The following MYO9A variants were observed in gnomAD, a reference collection of about 807,000 sequenced individuals.
MYO9A encodes unconventional myosin-IXa.
A neutral mutation model predicts 293.3 loss-of-function variants in MYO9A; 103 were observed. The ratio of observed to expected loss-of-function variants is 0.35; its 90% CI spans 0.30 to 0.41. The LOEUF is 0.41. Among genes scored for constraint, MYO9A ranks in the 10% least tolerant of loss-of-function variants. The pLI is 1.00. For synonymous variants in MYO9A, 1,001 were observed against 1,035.7 expected, an observed-to-expected ratio of 0.97 and a Z score of 0.64; for missense variants, 2,685 against 3,033.0, an observed-to-expected ratio of 0.89 and a Z score of 2.69.
In MYO9A at chr15:71,899,887, C is replaced by T. The variant is rs757243676; in HGVS notation, c.3270G>A (p.Glu1090=). The T allele has an allele frequency of 5.6e-6, 9 of 1,614,008 alleles. No individual in the cohort carries two copies. Among genetic ancestry groups the T allele is most frequent in the Non-Finnish European group, 6.8e-6 (8 of 1,180,040 alleles). The change falls in exon 24 of 42, where the codon GAG becomes GAA. Residue 1090 remains glutamate, a synonymous_variant. Transcript: ENST00000356056. ...CCCGTAACTCCAAGTACCGCTGCCT[C>T]TCTAAGTGAGCACGCCAGGAAGCTT... is the stretch of plus-strand genomic sequence containing the variant. ...LLQASWRAHL[E]RQRYLELRAA...
intron 18 of MYO9A, among the ~76,000 whole-genome samples, chr15:71,922,772 C>A (rs1211944137): frequency 6.6e-6 from 1 of 152,090 alleles, no homozygotes. Flanking sequence ...TCCTGGGGAG[C>A]AAATATGTAC....
intron 15 of MYO9A, among the ~76,000 whole-genome samples, chr15:71,949,421 GTT>G (rs1164123045): frequency 3.7e-5 from 5 of 133,422 alleles, no homozygotes; most frequent in Admixed American, 1.5e-4. Flanking sequence ...GTGTTTTTTT[GTT>G]TTTTTTTTTT....
intron 1 of MYO9A, among the ~76,000 whole-genome samples, chr15:72,060,466 G>A (rs1377089896): frequency 6.6e-6 from 1 of 152,162 alleles, no homozygotes; most frequent in Non-Finnish European, 1.5e-5. Flanking sequence ...GTCTTGAACT[G>A]CCAACACCAC....
At chr15:71,897,266 A>T in intron 25 of MYO9A, 195 bp downstream of exon 25, 1 of 597,684 alleles carries the variant, frequency 1.7e-6, no homozygotes. Context: ...ATTCATGATC[A>T]GTCAAGGATT....
Position 71,826,623 on chromosome 15 carries a change from T to A in MYO9A, c.7604A>T (p.Asn2535Ile), listed in dbSNP as rs763542980. 2 of 1,609,436 alleles carry A rather than the reference T, an allele frequency of 1.2e-6. No homozygotes were observed. The highest frequency in any genetic ancestry group is 2.2e-5 in the South Asian group (2 of 90,116). ...RKTVDPDCTSNQQLALFGNNE... is the reference protein window; with the variant it reads ...RKTVDPDCTSIQQLALFGNNE... ...ATTTCCAAAGAGTGCTAGCTGTTGG[T>A]TGGAGGTGCAGTCTGGGTCCACAGT... Residue 2535 changes from asparagine to isoleucine, a missense_variant, in exon 42 of 42, where the codon AAC becomes ATC. Asn to Ile is a moderately radical substitution (Grantham distance 149). Transcript: ENST00000356056.
intron 18 of MYO9A, among the ~76,000 whole-genome samples, chr15:71,916,985 G>C (rs1363412867): frequency 2.6e-5 from 4 of 152,192 alleles, no homozygotes; most frequent in Non-Finnish European, 5.9e-5. Context: ...CTTCCAGATG[G>C]CTAGATTACA....
At chr15:72,010,090 C>T (rs1320075361) in intron 7 of MYO9A, among the ~76,000 whole-genome samples, 11 of 151,996 alleles carry the variant, frequency 7.2e-5, no homozygotes, top group Admixed American at 7.2e-4. Context: ...CATGGATAGG[C>T]TTCAGGGGCA....
Position 72,027,801 on chromosome 15 carries a change from A to G in MYO9A, c.936-8T>C. 1 of 1,591,998 alleles carries G rather than the reference A, an allele frequency of 6.3e-7. No individual in the cohort carries two copies. The highest frequency in any genetic ancestry group is 8.6e-7 in the Non-Finnish European group (1 of 1,167,016). The stretch of plus-strand genomic sequence containing the variant: ...TATTTTTCAACATAGGCACTACAAG[A>G]AAAATTAAATTGGTTGATATAAATA... On this transcript the variant is annotated splice_region_variant and splice_polypyrimidine_tract_variant and intron_variant, in intron 3 of 41. Coordinates refer to ENST00000356056, the MANE Select transcript of MYO9A (RefSeq NM_006901.4).
chr15:71,981,125 GA>G (rs911456884), intron 11 of MYO9A, among the ~76,000 whole-genome samples: 12 of 151,274 alleles, frequency 7.9e-5, no homozygotes, highest in Admixed American at 4.6e-4. Flanking sequence ...AGCACATGCT[GA>G]AAAAAAAATC....
intron 33 of MYO9A, 32 bp downstream of exon 33, chr15:71,862,467 TA>T: frequency 1.3e-6 from 2 of 1,497,946 alleles, no homozygotes; most frequent in Non-Finnish European, 1.9e-6. Flanking sequence ...TGTCAGTGGT[TA>T]AAAATATTCC....
rs1596206335 is a variant in MYO9A, at chr15:71,925,299, ATATATACG to A, written c.2562+8363_2562+8370del. ...CATATACGTATACACGTGTATGTAC[ATATATACG>A]TATATACGTATATGTACATATATAC... is the stretch of plus-strand genomic sequence containing the variant. On this transcript the variant is annotated intron_variant, in intron 18 of 41. Coordinates refer to ENST00000356056, the MANE Select transcript of MYO9A (RefSeq NM_006901.4). Among the ~76,000 whole-genome samples the A allele has an allele frequency of 8.7e-5, 13 of 149,826 alleles. No homozygotes were observed. In the South Asian group the frequency reaches 2.1e-3, roughly 24 times the overall value.
chr15:71,962,980 G>A (rs571550170), intron 13 of MYO9A, among the ~76,000 whole-genome samples: 1 of 152,146 alleles, frequency 6.6e-6, no homozygotes, highest in Non-Finnish European at 1.5e-5. Context: ...AACATACTTT[G>A]TGGTTTACCA....
At chr15:71,904,629 G>C (rs767168231) in intron 20 of MYO9A, among the ~76,000 whole-genome samples, 1 of 152,152 alleles carries the variant, frequency 6.6e-6, no homozygotes, top group Non-Finnish European at 1.5e-5. Flanking sequence ...CTCCAGCCTA[G>C]GTGACACAGT....
chr15:71,869,953 C>T (rs1271030407), intron 32 of MYO9A, among the ~76,000 whole-genome samples: 1 of 152,160 alleles, frequency 6.6e-6, no homozygotes, highest in East Asian at 1.9e-4. Flanking sequence ...TCCTTAAATA[C>T]AGATTTCCCA....
chr15:71,897,746 T>G lies in MYO9A; in HGVS notation c.4757A>C (p.Gln1586Pro), dbSNP rs1201038711. ...SLSLKDAALA[Q>P]KDSSSAHLPP... ...TAAGTGAGCAGAGGAACTGTCTTTTTGGGCAAGAGCTGCATCTTTTAATGA... is the reference window on the plus strand; with the variant it reads ...TAAGTGAGCAGAGGAACTGTCTTTTGGGGCAAGAGCTGCATCTTTTAATGA... The change falls in exon 25 of 42, where the codon CAA becomes CCA. Residue 1586 changes from glutamine to proline, a missense_variant. Around this residue, in one of 10 missense-constraint regions of MYO9A, gnomAD observed 1,434 missense variants for 1,497.7 expected, o/e 0.96. Transcript: ENST00000356056. The G allele has an allele frequency of 1.9e-6, 3 of 1,614,142 alleles. No homozygotes were observed. The highest frequency in any genetic ancestry group is 3.3e-4 in the Middle Eastern group (2 of 6,062).
chr15:72,089,990 C>T (rs1244694726), intron 1 of MYO9A, among the ~76,000 whole-genome samples: 1 of 152,076 alleles, frequency 6.6e-6, no homozygotes, highest in Admixed American at 6.5e-5. Context: ...GATAACAATG[C>T]TATATTAATA....
intron 13 of MYO9A, among the ~76,000 whole-genome samples, chr15:71,964,298 C>T (rs930281381): frequency 6.6e-6 from 1 of 152,086 alleles, no homozygotes; most frequent in Non-Finnish European, 1.5e-5. Flanking sequence ...TACCCTTTCT[C>T]TAATTCCTTT....
intron 38 of MYO9A, 26 bp downstream of exon 38, chr15:71,850,010 G>A (rs2055566650): frequency 1.9e-6 from 3 of 1,612,586 alleles, no homozygotes; most frequent in Non-Finnish European, 1.7e-6. Context: ...CTGAGGTCTT[G>A]CAAAGGTTAT....
At chr15:71,979,680 A>G (rs888605080) in intron 11 of MYO9A, among the ~76,000 whole-genome samples, 1 of 152,232 alleles carries the variant, frequency 6.6e-6, no homozygotes, top group South Asian at 2.1e-4. Context: ...TACTTTGTCA[A>G]TGTAACAGCT....
Sources: gnomAD v4.1 joint callset for allele counts (sites outside exome capture counted in the v4.1 genomes callset) on GRCh38, gnomAD v4.1.1 for gene constraint, gnomAD v4.1.1 regional missense constraint, MANE v1.5 for transcripts, NCBI Gene and HGNC (gene_info 2026-07-23, HGNC 2026-07-21) for gene names.